Variants in PSG9 observed in about 807,000 individuals in gnomAD.
PSG9 encodes pregnancy-specific beta-1-glycoprotein 9.
PSG9 carries 49 observed loss-of-function variants against 41.9 expected under a neutral mutation model. The ratio of observed to expected loss-of-function variants is 1.17; its 90% CI spans 0.93 to 1.48. The LOEUF (loss-of-function observed/expected upper bound fraction) is 1.48. Among genes scored for constraint, PSG9 ranks in the 40% most tolerant of loss-of-function variants. PSG9 has a pLI of 0.00. For synonymous variants in PSG9, 263 were observed against 196.8 expected (o/e 1.34, Z -2.82); for missense variants, 641 against 520.3 (o/e 1.23, Z -2.26).
At chr19:43,264,543 C>T (rs567918910) in intron 2 of PSG9, among the ~76,000 whole-genome samples, 6 of 152,140 alleles carry the variant, frequency 3.9e-5, no homozygotes, top group East Asian at 3.9e-4. Flanking sequence ...CTGCAAGCTC[C>T]GCCTTCTGGG....
At chr19:43,268,276 A>AC in intron 1 of PSG9, 127 bp from the exon 2 acceptor site, 1 of 1,348,346 alleles carries the variant, frequency 7.4e-7, no homozygotes, top group Non-Finnish European at 1.0e-6. Context: ...ACACATACAA[A>AC]CAAACACACA....
chr19:43,263,497 T>C (rs1968822550), intron 2 of PSG9, among the ~76,000 whole-genome samples: 1 of 152,046 alleles, frequency 6.6e-6, no homozygotes, highest in South Asian at 2.1e-4. Context: ...GATTGTGGAT[T>C]TCTGGATTTG....
At chr19:43,260,916 C>T (rs1316894250) in intron 3 of PSG9, among the ~76,000 whole-genome samples, 2 of 152,012 alleles carry the variant, frequency 1.3e-5, no homozygotes, top group African/African-American at 2.4e-5. Flanking sequence ...AATCATTTGA[C>T]CTTTTTGGTT....
chr19:43,254,796 A>AATGAAAATGGACTCTGAGC (rs1349259467), intron 5 of PSG9, among the ~76,000 whole-genome samples: 3 of 146,040 alleles, frequency 2.1e-5, no homozygotes, highest in Non-Finnish European at 4.5e-5. Flanking sequence ...TCAAATCAGA[A>AATGAAAATGGACTCTGAGC]ATGAAAATGG....
In PSG9 at chr19:43,258,251, G is replaced by A; in HGVS notation, c.1194C>T (p.Asn398=). The change falls in exon 5 of 6, where the codon AAC becomes AAT. Residue 398 remains asparagine (N), a synonymous_variant. Transcript: ENST00000270077. ...HSGLYACSVH[N]SATGKEISKS... is the part of the protein sequence containing the mutation. ...TGGAGATTTCCTTGCCAGTGGCTGAGTTATGAACAGAGCAAGCATAGAGCC... is the reference window on the plus strand; with the variant it reads ...TGGAGATTTCCTTGCCAGTGGCTGAATTATGAACAGAGCAAGCATAGAGCC... The A allele has an allele frequency of 6.3e-7, 1 of 1,593,084 alleles. No homozygotes were observed. The highest frequency in any genetic ancestry group is 8.5e-7 in the Non-Finnish European group (1 of 1,174,572).
At chr19:43,267,556 CTG>C (rs1376231034) in intron 2 of PSG9, among the ~76,000 whole-genome samples, 1 of 152,164 alleles carries the variant, frequency 6.6e-6, no homozygotes, top group East Asian at 1.9e-4. Context: ...CCCCATCAGA[CTG>C]TCCTTCCTCT....
chr19:43,265,712 TG>T (rs1968935002), intron 2 of PSG9, among the ~76,000 whole-genome samples: 1 of 151,894 alleles, frequency 6.6e-6, no homozygotes, highest in African/African-American at 2.4e-5. Context: ...TAATTTTTTT[TG>T]TGTGTGTGTG....
chr19:43,267,685 A>T, intron 2 of PSG9, 99 bp downstream of exon 2: 2 of 1,567,760 alleles, frequency 1.3e-6, no homozygotes, highest in Admixed American at 3.3e-5. Flanking sequence ...CATAATGCAG[A>T]GAGTGACACA....
At position 43,267,898 on chromosome 19, in the gene PSG9, A is replaced by T. The variant is rs1281451636; in HGVS notation, c.316T>A (p.Ser106Thr). 1.9e-6 allele frequency: 3 copies of T among 1,613,794 alleles called. No individual in the cohort carries two copies. The highest frequency in any genetic ancestry group is 2.5e-6 in the Non-Finnish European group (3 of 1,179,774). ...CGGGTGACATTCTGGATCAGCAGGGATGCGTTGGAATATACTGTTTCTCTT... is the reference window on the plus strand; with the variant it reads ...CGGGTGACATTCTGGATCAGCAGGGTTGCGTTGGAATATACTGTTTCTCTT... ...SGRETVYSNA[S>T]LLIQNVTRKD... is the part of the protein sequence containing the mutation. The change falls in exon 2 of 6, where the codon TCC (serine) becomes ACC (threonine). Residue 106 changes from serine to threonine, a missense_variant. Ser to Thr is a moderately conservative substitution (Grantham distance 58). Coordinates refer to ENST00000270077, the MANE Select transcript of PSG9 (RefSeq NM_002784.5).
Position 43,269,354 on chromosome 19 carries a change from A to C in PSG9, c.64+14T>G. ...TTCCTCCCCCTGTCCTCTCCCAGGAAGTTCTCTCCTCACCTGTGAGCAGGA... is the reference window on the plus strand; with the variant it reads ...TTCCTCCCCCTGTCCTCTCCCAGGACGTTCTCTCCTCACCTGTGAGCAGGA... On this transcript the variant is annotated intron_variant, in intron 1 of 5. Transcript: ENST00000270077. 1 of 1,613,326 alleles carries C rather than the reference A, an allele frequency of 6.2e-7. No homozygotes were observed. The highest frequency in any genetic ancestry group is 1.3e-5 in the African/African-American group (1 of 74,992).
chr19:43,258,768 T>G lies in PSG9; in HGVS notation c.988+89A>C. The G allele has an allele frequency of 1.3e-6, 2 of 1,534,910 alleles. 1 individual carries two copies. Among genetic ancestry groups the G allele is most frequent in the African/African-American group, 2.9e-5 (2 of 68,478 alleles). On this transcript the variant is annotated intron_variant, in intron 4 of 5. Coordinates refer to ENST00000270077, the MANE Select transcript of PSG9 (RefSeq NM_002784.5). ...TGTCTAGAAGTAAAGGTGTCTATAC[T>G]TGGACCGGAGAGAGACTGAGAGGCC...
chr19:43,269,233 T>A (rs1301599706), intron 1 of PSG9, 135 bp downstream of exon 1: 1 of 1,455,306 alleles, frequency 6.9e-7, no homozygotes, highest in Non-Finnish European at 9.4e-7. Flanking sequence ...CTTGAACTCC[T>A]GATCTCGTGA....
rs1392976106 is a variant in PSG9, at chr19:43,261,991, A to T, written c.578T>A (p.Leu193Ter). Residue 193 changes from leucine to a stop codon, truncating the protein, a stop_gained, in exon 3 of 6, where the codon TTG becomes TAG. Transcript: ENST00000270077. LOFTEE classifies it high-confidence loss of function. ...NGQSLPVTHR[L>*]QLSKTNRTLY... Reference sequence around the variant, plus strand: ...GGTCCTGTTGGTTTTGGACAGCTGCAACCTGTGAGTCACAGGGAGGCTCTG... The same window carrying T: ...GGTCCTGTTGGTTTTGGACAGCTGCTACCTGTGAGTCACAGGGAGGCTCTG... 4.3e-6 allele frequency: 7 copies of T among 1,613,960 alleles called. No homozygotes were observed. Among genetic ancestry groups the T allele is most frequent in the Non-Finnish European group, 5.9e-6 (7 of 1,179,950 alleles).
intron 5 of PSG9, among the ~76,000 whole-genome samples, chr19:43,254,682 A>G (rs1305410902): frequency 6.8e-6 from 1 of 146,610 alleles, no homozygotes. Flanking sequence ...AACAGAATAG[A>G]GGAAATTAAT....
chr19:43,264,010 A>G (rs1407352937), intron 2 of PSG9, among the ~76,000 whole-genome samples: 2 of 152,128 alleles, frequency 1.3e-5, no homozygotes, highest in East Asian at 1.9e-4. Flanking sequence ...AAGCTCAGGA[A>G]ACACCACTAA....
At chr19:43,268,700 T>C (rs1293597480) in intron 1 of PSG9, among the ~76,000 whole-genome samples, 1 of 152,172 alleles carries the variant, frequency 6.6e-6, no homozygotes, top group Non-Finnish European at 1.5e-5. Flanking sequence ...TGCAGACTCC[T>C]GTAGATGTGA....
At chr19:43,265,242 G>T (rs1230456358) in intron 2 of PSG9, among the ~76,000 whole-genome samples, 1 of 152,118 alleles carries the variant, frequency 6.6e-6, no homozygotes, top group Non-Finnish European at 1.5e-5. Flanking sequence ...TTATAGGAGG[G>T]AACTGAATTC....
chr19:43,261,648 A>T (rs3859479), intron 3 of PSG9, among the ~76,000 whole-genome samples: 75,884 of 151,958 alleles, frequency 0.5, 21,283 homozygotes, highest in East Asian at 0.96. Flanking sequence ...CTGTGGACCC[A>T]GAGTCTCCCA....
rs780922723 is a variant in PSG9, at chr19:43,258,754, A to G, written c.988+103T>C. 44 of 1,508,174 alleles carry G rather than the reference A, an allele frequency of 2.9e-5. 1 individual carries two copies. The highest frequency in any genetic ancestry group is 2.5e-4 in the Middle Eastern group (1 of 4,060). 93.4% of individuals were successfully genotyped at this position (1,508,174 alleles called of 1,614,324 possible). On this transcript the variant is annotated intron_variant, in intron 4 of 5. Transcript: ENST00000270077. ...ATGGCCACCTCGGATGTCTAGAAGTAAAGGTGTCTATACTTGGACCGGAGA... is the reference window on the plus strand; with the variant it reads ...ATGGCCACCTCGGATGTCTAGAAGTGAAGGTGTCTATACTTGGACCGGAGA...
Sources: gnomAD v4.1 joint callset for allele counts (sites outside exome capture counted in the v4.1 genomes callset) on GRCh38, gnomAD v4.1.1 for gene constraint, MANE v1.5 for transcripts, NCBI Gene and HGNC (gene_info 2026-07-23, HGNC 2026-07-21) for gene names.